The following MPHOSPH9 variants were observed in gnomAD, a reference collection of about 807,000 sequenced individuals.
The protein encoded by MPHOSPH9 is M-phase phosphoprotein 9.
A neutral mutation model predicts 145.5 loss-of-function variants in MPHOSPH9; 88 were observed. That is an observed-to-expected ratio of 0.60 (90% confidence interval 0.51 to 0.72). MPHOSPH9 has a LOEUF of 0.72. MPHOSPH9 is among the 30% of genes least tolerant of loss of function. The pLI is 0.00. For missense variants in MPHOSPH9, 1,238 were observed against 1,386.6 expected (o/e 0.89, Z 1.70); for synonymous variants, 435 against 486.2 (o/e 0.89, Z 1.39).
At chr12:123,176,913 C>T (rs992948034) in intron 15 of MPHOSPH9, 124 bp from the exon 16 acceptor site, 5 of 718,754 alleles carry the variant, frequency 7.0e-6, no homozygotes, top group Non-Finnish European at 9.3e-6. Context: ...AGTCCATGGC[C>T]GGGAATGGTG....
intron 3 of MPHOSPH9, among the ~76,000 whole-genome samples, chr12:123,223,786 C>A (rs2047316067): frequency 6.6e-6 from 1 of 152,112 alleles, no homozygotes; most frequent in Non-Finnish European, 1.5e-5. Context: ...TGAACTCTGT[C>A]TCCTACCCCT....
At position 123,156,760 on chromosome 12, in the gene MPHOSPH9, T is replaced by C; in HGVS notation, c.*47A>G. ...TTTGCCTTTTCTGACTGCATAATTATACATTAGTGCAAACAAAAATGTCTC... is the reference window on the plus strand; with the variant it reads ...TTTGCCTTTTCTGACTGCATAATTACACATTAGTGCAAACAAAAATGTCTC... On this transcript the variant is annotated 3_prime_UTR_variant, in exon 24 of 24. Coordinates refer to ENST00000606320, the MANE Select transcript of MPHOSPH9 (RefSeq NM_022782.4). The C allele has an allele frequency of 6.7e-7, 1 of 1,486,996 alleles. No homozygotes were observed. Among genetic ancestry groups the C allele is most frequent in the Non-Finnish European group, 9.3e-7 (1 of 1,071,150 alleles). The allele number at this position is 1,486,996 out of a possible 1,614,324, so 92.1% of individuals were successfully genotyped here.
At chr12:123,191,734 G>C (rs2045684052) in intron 13 of MPHOSPH9, among the ~76,000 whole-genome samples, 1 of 152,176 alleles carries the variant, frequency 6.6e-6, no homozygotes, top group Non-Finnish European at 1.5e-5. Flanking sequence ...AGGAAATATG[G>C]ACATGCTCAA....
At position 123,166,588 on chromosome 12, in the gene MPHOSPH9, A is replaced by C. The variant is rs1008289017; in HGVS notation, c.2591+67T>G. On this transcript the variant is annotated intron_variant, in intron 17 of 23. Coordinates refer to ENST00000606320, the MANE Select transcript of MPHOSPH9 (RefSeq NM_022782.4). Reference sequence around the variant, plus strand: ...CAAAGAGAGGGCTTCCCAAACTTTTAAAAGCAATTGAAATCTCTAAGAAAA... The same window carrying C: ...CAAAGAGAGGGCTTCCCAAACTTTTCAAAGCAATTGAAATCTCTAAGAAAA... 1.2e-5 allele frequency: 19 copies of C among 1,563,192 alleles called. No individual in the cohort carries two copies. The African/African-American group carries it at 2.6e-4, about 22-fold the overall frequency.
At chr12:123,165,280 T>C in intron 18 of MPHOSPH9, 22 bp downstream of exon 18, 1 of 1,583,608 alleles carries the variant, frequency 6.3e-7, no homozygotes. Context: ...TATCCATCTA[T>C]CTCAAACAAG....
intron 19 of MPHOSPH9, 131 bp downstream of exon 19, chr12:123,163,819 C>T: frequency 1.0e-6 from 1 of 969,686 alleles, no homozygotes; most frequent in Non-Finnish European, 1.5e-6. Context: ...TTTAGGGGTC[C>T]TCTGCTCAGA....
At chr12:123,235,299 T>C (rs1487157464), upstream of MPHOSPH9, among the ~76,000 whole-genome samples, 1 of 152,170 alleles carries the variant, frequency 6.6e-6, no homozygotes, top group African/African-American at 2.4e-5. Flanking sequence ...CGCAGGTCTG[T>C]TGGCCACAGA....
At chr12:123,181,078 G>C in intron 14 of MPHOSPH9, 85 bp downstream of exon 14, 1 of 1,257,348 alleles carries the variant, frequency 8.0e-7, no homozygotes, top group Non-Finnish European at 1.2e-6. Flanking sequence ...AGGGGTGCAA[G>C]GAGGAGAAGA....
chr12:123,217,972 G>A (rs1252127109), intron 6 of MPHOSPH9, among the ~76,000 whole-genome samples: 2 of 151,694 alleles, frequency 1.3e-5, no homozygotes, highest in African/African-American at 4.8e-5. Context: ...GTGAACCCGG[G>A]AGGCGGAGCT....
At position 123,163,982 on chromosome 12, in the gene MPHOSPH9, A is replaced by G. The variant is rs1317497229; in HGVS notation, c.2876T>C (p.Leu959Ser). Reference sequence around the variant, plus strand: ...ACTTGATTTACGATTTGAAGGTGGTAAAGATGATGATCTCTGTGAGGCCGA... The same window carrying G: ...ACTTGATTTACGATTTGAAGGTGGTGAAGATGATGATCTCTGTGAGGCCGA... The part of the protein sequence containing the change: ...LNSASQRSSS[L>S]PPSNRKSSTP... The change falls in exon 19 of 24, where the codon TTA (leucine) becomes TCA (serine). Residue 959 changes from leucine (L) to serine (S), a missense_variant. Leu to Ser is a moderately radical substitution (Grantham distance 145). Transcript: ENST00000606320. The G allele has an allele frequency of 6.2e-7, 1 of 1,614,052 alleles. No homozygotes were observed. Among genetic ancestry groups the G allele is most frequent in the Non-Finnish European group, 8.5e-7 (1 of 1,180,034 alleles).
intron 6 of MPHOSPH9, among the ~76,000 whole-genome samples, chr12:123,215,733 A>G (rs2046924176): frequency 6.6e-6 from 1 of 152,198 alleles, no homozygotes; most frequent in Admixed American, 6.5e-5. Context: ...GAATATTTCT[A>G]TCAGAATTTT....
At chr12:123,162,094 A>G (rs747092691) in intron 21 of MPHOSPH9, 21 bp downstream of exon 21, 5 of 1,421,250 alleles carry the variant, frequency 3.5e-6, no homozygotes, top group South Asian at 2.7e-5. Flanking sequence ...ACCATAACTA[A>G]TATTTTTTAG....
chr12:123,186,227 CAAAAAAAAA>C (rs35294099), intron 13 of MPHOSPH9, among the ~76,000 whole-genome samples: 3 of 101,330 alleles, frequency 3.0e-5, no homozygotes, highest in South Asian at 3.0e-4. Context: ...AACTCCGTCT[CAAAAAAAAA>C]AAAAAAAAAA....
Position 123,173,452 on chromosome 12 carries a change from A to G in MPHOSPH9, c.2456+3236T>C, listed in dbSNP as rs1269464798. Among the ~76,000 whole-genome samples, 3 of 152,210 alleles carry G rather than the reference A, an allele frequency of 2.0e-5. No homozygotes were observed. In the East Asian group the frequency reaches 5.8e-4, roughly 29 times the overall value. On this transcript the variant is annotated intron_variant, in intron 16 of 23. Transcript: ENST00000606320. ...TAGGACTCTAATCTGATTATGGGTC[A>G]TAAGACTCTTGTTCGAATCAGAGAG...
intron 11 of MPHOSPH9, among the ~76,000 whole-genome samples, chr12:123,200,373 T>C (rs930191301): frequency 6.6e-6 from 1 of 152,116 alleles, no homozygotes; most frequent in African/African-American, 2.4e-5. Flanking sequence ...CTGCTATTCA[T>C]TTTACACAGT....
At chr12:123,164,600 T>C (rs750183174) in intron 18 of MPHOSPH9, among the ~76,000 whole-genome samples, 1 of 152,240 alleles carries the variant, frequency 6.6e-6, no homozygotes, top group Non-Finnish European at 1.5e-5. Context: ...GGAAATGTTA[T>C]ATCTCACTTC....
At chr12:123,225,443 CAAAA>C (rs56225104) in intron 3 of MPHOSPH9, among the ~76,000 whole-genome samples, 22 of 102,140 alleles carry the variant, frequency 2.2e-4, no homozygotes, top group Non-Finnish European at 2.8e-4. Context: ...GACCCTATTT[CAAAA>C]AAAAAAAAAA....
chr12:123,243,597 C>T (rs1381063519), intron 1 of MPHOSPH9, among the ~76,000 whole-genome samples: 52 of 148,440 alleles, frequency 3.5e-4, no homozygotes, highest in African/African-American at 1.2e-3. Context: ...CCCAGCTACT[C>T]GGGAGGCTGA....
intron 14 of MPHOSPH9, 110 bp from the exon 15 acceptor site, chr12:123,180,100 C>G (rs968273550): frequency 1.8e-6 from 1 of 567,802 alleles, no homozygotes; most frequent in African/African-American, 2.0e-5. Context: ...AGCTACAAAC[C>G]ATACTCAGCA....
Sources: allele counts gnomAD v4.1 joint callset (sites outside exome capture counted in the v4.1 genomes callset), GRCh38; gene constraint gnomAD v4.1.1; transcripts MANE v1.5; gene names NCBI Gene and HGNC (gene_info 2026-07-23, HGNC 2026-07-21).